Variants in DCHS2 observed in about 807,000 individuals in gnomAD.
DCHS2 encodes dachsous cadherin-related 2, also known as protocadherin-23.
A neutral mutation model predicts 182.4 loss-of-function variants in DCHS2; 142 were observed. The ratio of observed to expected loss-of-function variants is 0.78; its 90% CI spans 0.68 to 0.89. The LOEUF is 0.89. Ranked by LOEUF, DCHS2 falls within the 40% of genes least tolerant of loss-of-function variation. The probability of loss-of-function intolerance (pLI) is 0.00; values close to 1 mark genes in which losing one functional copy is unlikely to be tolerated. For synonymous variants in DCHS2, 1,740 were observed against 1,663.3 expected, an observed-to-expected ratio of 1.05 and a Z score of -1.12; for missense variants, 4,319 against 4,198.6, an observed-to-expected ratio of 1.03 and a Z score of -0.79.
Position 154,234,483 on chromosome 4 carries a change from T to C in DCHS2, c.*53A>G. ...CTCGAGTTGCTGGCTTGAAAACATT[T>C]TGTTCATTCATTCATGACCAATGGT... On this transcript the variant is annotated 3_prime_UTR_variant, in exon 20 of 20. Transcript: ENST00000357232. The C allele has an allele frequency of 6.8e-7, 1 of 1,475,534 alleles. No individual in the cohort carries two copies. The allele number at this position is 1,475,534 out of a possible 1,614,324, so 91.4% of individuals were successfully genotyped here. A position where few individuals can be genotyped will look rare whatever the true frequency, so the allele number is the denominator to read the frequency against.
chr4:154,294,455 AT>A (rs1344526148), intron 13 of DCHS2, among the ~76,000 whole-genome samples: 1 of 152,126 alleles, frequency 6.6e-6, no homozygotes. Flanking sequence ...TTGATCTAAT[AT>A]TTTTTATGAG....
intron 13 of DCHS2, among the ~76,000 whole-genome samples, chr4:154,279,167 G>C (rs574098802): frequency 3.9e-5 from 6 of 152,118 alleles, no homozygotes; most frequent in African/African-American, 7.2e-5. Flanking sequence ...CTGTTATAAA[G>C]TAAATTGTTA....
intron 12 of DCHS2, among the ~76,000 whole-genome samples, chr4:154,299,558 A>G (rs1440512878): frequency 6.6e-6 from 1 of 152,208 alleles, no homozygotes; most frequent in Non-Finnish European, 1.5e-5. Flanking sequence ...GCATATGAGG[A>G]CCAAGTGGAA....
At chr4:154,416,188 T>C (rs1289934798) in intron 1 of DCHS2, among the ~76,000 whole-genome samples, 1 of 152,076 alleles carries the variant, frequency 6.6e-6, no homozygotes, top group African/African-American at 2.4e-5. Flanking sequence ...TGTCTGAAAG[T>C]TGGGGAGATC....
chr4:154,340,070 T>C (rs555339827), intron 3 of DCHS2, among the ~76,000 whole-genome samples: 29 of 152,196 alleles, frequency 1.9e-4, no homozygotes, highest in African/African-American at 7.0e-4. Flanking sequence ...AAAAAGAAGA[T>C]ATGTTTGGTT....
intron 16 of DCHS2, among the ~76,000 whole-genome samples, chr4:154,254,052 A>G (rs1300197503): frequency 6.6e-6 from 1 of 152,212 alleles, no homozygotes; most frequent in African/African-American, 2.4e-5. Context: ...TATGACCCTG[A>G]GCAAGCCACT....
intron 3 of DCHS2, among the ~76,000 whole-genome samples, chr4:154,351,926 TG>T (rs1729635839): frequency 6.6e-6 from 1 of 152,150 alleles, no homozygotes; most frequent in Non-Finnish European, 1.5e-5. Context: ...ATGAAGGCAC[TG>T]ATTGCTTTTA....
At chr4:154,351,323 G>T (rs1578997291) in intron 3 of DCHS2, among the ~76,000 whole-genome samples, 2 of 152,196 alleles carry the variant, frequency 1.3e-5, no homozygotes, top group East Asian at 1.9e-4. Flanking sequence ...AATTTGGAGG[G>T]GGTTGTAGTC....
At position 154,298,040 on chromosome 4, in the gene DCHS2, C is replaced by T. The variant is rs752935881; in HGVS notation, c.6274G>A (p.Glu2092Lys). Residue 2092 changes from glutamate (E) to lysine (K), a missense_variant, in exon 13 of 20, where the codon GAA becomes AAA. Physicochemically the swap from Glu to Lys is moderately conservative, Grantham distance 56. Transcript: ENST00000357232. ...GATGGATTTTGCTGAAATTGAATTTCTCCTGTGTATTTATCAATAGAAAAC... is the reference window on the plus strand; with the variant it reads ...GATGGATTTTGCTGAAATTGAATTTTTCCTGTGTATTTATCAATAGAAAAC... ...SMFSIDKYTG[E>K]IQFQQNPSSE... 8 of 1,614,082 alleles carry T rather than the reference C, an allele frequency of 5.0e-6. No homozygotes were observed. Among genetic ancestry groups the T allele is most frequent in the Non-Finnish European group, 5.9e-6 (7 of 1,179,998 alleles).
chr4:154,236,168 G>C lies in DCHS2; in HGVS notation c.8484C>G (p.Asp2828Glu), dbSNP rs1731487111. Residue 2828 changes from aspartate to glutamate, a missense_variant, in exon 20 of 20, where the codon GAC becomes GAG. Physicochemically the swap from Asp to Glu is conservative, Grantham distance 45 (BLOSUM62 2). Transcript: ENST00000357232. ...TAGCATGAATATCCCCTGTCAAAGG[G>C]TCAATGAGGAAGAGATCATGATCAT... ...MSYDHDLFLI[D>E]PLTGDIHAKQ... is the part of the protein sequence containing the mutation. 6.2e-7 allele frequency: 1 copy of C among 1,613,688 alleles called. No homozygotes were observed. The highest frequency in any genetic ancestry group is 8.5e-7 in the Non-Finnish European group (1 of 1,179,948).
chr4:154,370,758 T>A (rs1296881574), intron 2 of DCHS2, among the ~76,000 whole-genome samples: 1 of 152,188 alleles, frequency 6.6e-6, no homozygotes, highest in African/African-American at 2.4e-5. Flanking sequence ...CCTGTTATTT[T>A]TCTCCAAGTA....
Position 154,366,244 on chromosome 4 carries a change from G to A in DCHS2, c.2442C>T (p.Asn814=), listed in dbSNP as rs182317237. The A allele has an allele frequency of 1.2e-5, 20 of 1,613,520 alleles. No individual in the cohort carries two copies. Among genetic ancestry groups the A allele is most frequent in the East Asian group, 4.5e-5 (2 of 44,860 alleles). ...AGTCAATGGTAAAAAGGGACGACAC[G>A]TTTCCTGGAATAAGCTCATAAGCCA... is the stretch of plus-strand genomic sequence containing the variant. ...GTVAYELIPG[N]VSSLFTIDST... is the part of the protein sequence containing the mutation. The change falls in exon 3 of 20, where the codon AAC becomes AAT. Residue 814 remains asparagine, a synonymous_variant. Transcript: ENST00000357232.
intron 1 of DCHS2, chr4:154,391,246 T>C: frequency 6.2e-7 from 1 of 1,611,130 alleles, no homozygotes; most frequent in Non-Finnish European, 8.5e-7. Flanking sequence ...TGAGTAAACA[T>C]CTTCTTTTCT....
At chr4:154,383,090 G>A (rs1731244896) in intron 1 of DCHS2, among the ~76,000 whole-genome samples, 1 of 152,092 alleles carries the variant, frequency 6.6e-6, no homozygotes, top group East Asian at 1.9e-4. Context: ...TCAACCTAGG[G>A]ACCCATCAAT....
At chr4:154,378,862 C>G (rs552722284) in intron 1 of DCHS2, among the ~76,000 whole-genome samples, 2 of 152,240 alleles carry the variant, frequency 1.3e-5, no homozygotes, top group East Asian at 3.9e-4. Flanking sequence ...AATCTCCTGA[C>G]CTTCCTCTGA....
chr4:154,242,303 A>C (rs1418706562), intron 17 of DCHS2, among the ~76,000 whole-genome samples: 1 of 152,188 alleles, frequency 6.6e-6, no homozygotes, highest in African/African-American at 2.4e-5. Flanking sequence ...ATGAATGCTG[A>C]TTCTTCTTAG....
intron 3 of DCHS2, among the ~76,000 whole-genome samples, chr4:154,361,142 C>T (rs1361122117): frequency 6.6e-6 from 1 of 152,024 alleles, no homozygotes; most frequent in South Asian, 2.1e-4. Flanking sequence ...AAGAGATAAA[C>T]CACAAGATTT....
intron 13 of DCHS2, among the ~76,000 whole-genome samples, chr4:154,270,539 G>T (rs930310356): frequency 6.6e-6 from 1 of 151,878 alleles, no homozygotes; most frequent in African/African-American, 2.4e-5. Context: ...GGCAGGATAA[G>T]CAAAGGTCAG....
chr4:154,368,744 C>T (rs1390398874), intron 2 of DCHS2, among the ~76,000 whole-genome samples: 1 of 152,126 alleles, frequency 6.6e-6, no homozygotes, highest in African/African-American at 2.4e-5. Context: ...GGTGATCCAC[C>T]CACCTTGGCC....
Sources: allele counts gnomAD v4.1 joint callset (sites outside exome capture counted in the v4.1 genomes callset), GRCh38; gene constraint gnomAD v4.1.1; transcripts MANE v1.5; gene names NCBI Gene and HGNC (gene_info 2026-07-23, HGNC 2026-07-21).